Variants in E2F8 observed in about 807,000 individuals in gnomAD.
E2F8 encodes transcription factor E2F8.
E2F8 carries 35 observed loss-of-function variants against 80.8 expected under a neutral mutation model. The observed-to-expected ratio is 0.43, with a 90% CI of 0.33 to 0.57. E2F8 has a LOEUF of 0.57. E2F8 is among the 20% of genes least tolerant of loss of function. The probability of loss-of-function intolerance (pLI) is 0.04; values close to 1 mark genes in which losing one functional copy is unlikely to be tolerated. For missense variants in E2F8, 975 were observed against 1,056.2 expected, an observed-to-expected ratio of 0.92 and a Z score of 1.07; for synonymous variants, 386 against 395.0, an observed-to-expected ratio of 0.98 and a Z score of 0.27.
At chr11:19,234,287 G>A (rs1319419172) in intron 6 of E2F8, 73 bp downstream of exon 6, 16 of 1,524,016 alleles carry the variant, frequency 1.0e-5, no homozygotes, top group African/African-American at 1.4e-5. Context: ...TTCCTAATTT[G>A]GAAATGAGTT....
intron 4 of E2F8, among the ~76,000 whole-genome samples, chr11:19,235,665 A>G (rs1314908450): frequency 1.3e-5 from 1 of 76,282 alleles, no homozygotes; most frequent in African/African-American, 5.8e-5. Flanking sequence ...AAACAAACAA[A>G]CAAAAAAAAA....
At chr11:19,228,817 A>G (rs1291651938) in intron 10 of E2F8, among the ~76,000 whole-genome samples, 1 of 152,230 alleles carries the variant, frequency 6.6e-6, no homozygotes, top group South Asian at 2.1e-4. Flanking sequence ...TATGTCTGCT[A>G]TATGTGGGTA....
rs370458509 is a variant in E2F8 at position 19,234,734 on chromosome 11, C to T, written c.766+10G>A. ...CCATGCCGCCTGGAGTTTTCACTAC[C>T]ATCTCTCACCTGCCCGAAATTCCAC... On this transcript the variant is annotated intron_variant, in intron 5 of 12. Transcript: ENST00000250024. The T allele has an allele frequency of 1.3e-6, 2 of 1,599,534 alleles. No individual in the cohort carries two copies. Among genetic ancestry groups the T allele is most frequent in the South Asian group, 1.1e-5 (1 of 88,460 alleles).
chr11:19,237,860 A>T lies in E2F8; in HGVS notation c.288T>A (p.Cys96Ter), dbSNP rs1851562596. ...NRSGLPEAKD[C>*]IHEHLSGDEF... ...CAGTCCTCTGAAAACCTACGTGTAT[A>T]CAGTCTTTGGCCTCAGGTAATCCAC... The change falls in exon 3 of 13, where the codon TGT becomes TGA. Residue 96 changes from cysteine (C) to a stop codon, truncating the protein, a stop_gained. Transcript: ENST00000250024. LOFTEE classifies it high-confidence loss of function. The T allele has an allele frequency of 6.2e-7, 1 of 1,613,284 alleles. No homozygotes were observed. Among genetic ancestry groups the T allele is most frequent in the Non-Finnish European group, 8.5e-7 (1 of 1,179,562 alleles).
chr11:19,234,840 A>G lies in E2F8; in HGVS notation c.670T>C (p.Tyr224His). The G allele has an allele frequency of 6.2e-7, 1 of 1,614,202 alleles. No homozygotes were observed. Among genetic ancestry groups the G allele is most frequent in the Non-Finnish European group, 8.5e-7 (1 of 1,180,042 alleles). Residue 224 changes from tyrosine (Y) to histidine (H), a missense_variant, in exon 5 of 13, where the codon TAC (tyrosine) becomes CAC (histidine). By Grantham distance (83) the Tyr-to-His change is moderately conservative (BLOSUM62 2). Transcript: ENST00000250024. ...TTGATGATATGATCCTCTATACTGT[A>G]ACTCTTAATAAAGTCAAACTCTTGC... The part of the protein sequence containing the change: ...YEQEFDFIKS[Y>H]SIEDHIIKSN...
Position 19,229,443 on chromosome 11 carries a change from GCTGTACTTA to G in E2F8, c.1893+2_1893+10del, listed in dbSNP as rs1157782960. On this transcript the variant is annotated splice_donor_variant and splice_donor_5th_base_variant and intron_variant, in intron 10 of 12. Coordinates refer to ENST00000250024, the MANE Select transcript of E2F8 (RefSeq NM_024680.4). LOFTEE classifies it high-confidence loss of function. This position sits in a 1 kb window ranked among gnomAD's most constrained non-coding sequence, Gnocchi z 4.3. ...TTCCTAAAGCTTTGTGCAGTTCAAG[GCTGTACTTA>G]CTGCGGAGACATTTTCAAGTCCTTT... 6.2e-7 allele frequency: 1 copy of G among 1,606,884 alleles called. No homozygotes were observed. Among genetic ancestry groups the G allele is most frequent in the Non-Finnish European group, 8.5e-7 (1 of 1,176,656 alleles).
rs530805930 is a variant in E2F8, at chr11:19,230,012, G to A, written c.1359-24C>T. ...CACTGAAAGACAAGATTTAATACAC[G>A]ACATGATGGATATACATTTTTTCTG... is the stretch of plus-strand genomic sequence containing the variant. On this transcript the variant is annotated intron_variant, in intron 9 of 12. Coordinates refer to ENST00000250024, the MANE Select transcript of E2F8 (RefSeq NM_024680.4). The A allele has an allele frequency of 8.7e-6, 14 of 1,610,850 alleles. No individual in the cohort carries two copies. In the East Asian group the frequency reaches 1.6e-4, roughly 18 times the overall value.
At chr11:19,231,546 A>G (rs888435345) in intron 7 of E2F8, among the ~76,000 whole-genome samples, 2 of 152,200 alleles carry the variant, frequency 1.3e-5, no homozygotes, top group South Asian at 2.1e-4. Context: ...GTCATTTTCA[A>G]TGATTCTGGG....
In E2F8 at chr11:19,235,669, A is replaced by AC. The variant is rs199734618; in HGVS notation, c.452-612_452-611insG. On this transcript the variant is annotated intron_variant, in intron 4 of 12. Coordinates refer to ENST00000250024, the MANE Select transcript of E2F8 (RefSeq NM_024680.4). ...GTCTCAAAAACAAACAAACAAACAAAAAAAAAAAACGATGAGAAAACAGAG... is the reference window on the plus strand; with the variant it reads ...GTCTCAAAAACAAACAAACAAACAAACAAAAAAAAACGATGAGAAAACAGAG... 3.8e-4 allele frequency among the ~76,000 whole-genome samples: 44 copies of AC among 117,316 alleles called. No homozygotes were observed. The South Asian group carries it at 5.7e-3, about 15-fold the overall frequency. 77.0% of individuals were successfully genotyped at this position (117,316 alleles called of 152,430 possible). A position where few individuals can be genotyped will look rare whatever the true frequency, so the allele number is the denominator to read the frequency against.
intron 7 of E2F8, 42 bp downstream of exon 7, chr11:19,232,191 CA>C: frequency 6.2e-7 from 1 of 1,601,578 alleles, no homozygotes. Context: ...GAAAAACACA[CA>C]CACAAATAAT....
intron 5 of E2F8, 80 bp downstream of exon 5, chr11:19,234,664 A>G (rs1851465136): frequency 5.9e-6 from 9 of 1,534,968 alleles, no homozygotes. Flanking sequence ...GTAGCTTTAG[A>G]GCTGTGTTCT....
rs1202373921 is a variant in E2F8, at chr11:19,234,859, C to A, written c.651G>T (p.Glu217Asp). The change falls in exon 5 of 13, where the codon GAG (glutamate) becomes GAT (aspartate). Residue 217 changes from glutamate to aspartate, a missense_variant. Transcript: ENST00000250024. ...TACTGTAACTCTTAATAAAGTCAAA[C>A]TCTTGCTCATATTCTTTCTTTTTGA... ...MMIKKKEYEQEFDFIKSYSIE... is the reference protein window; with the variant it reads ...MMIKKKEYEQDFDFIKSYSIE... The A allele has an allele frequency of 6.2e-7, 1 of 1,614,226 alleles. No homozygotes were observed. The highest frequency in any genetic ancestry group is 1.1e-5 in the South Asian group (1 of 91,092).
chr11:19,238,269 A>G (rs1433121916), intron 2 of E2F8, 137 bp from the exon 3 acceptor site: 14 of 839,160 alleles, frequency 1.7e-5, no homozygotes, highest in Non-Finnish European at 2.5e-5. Context: ...TGAGGAAATT[A>G]ATAACTGTAT....
chr11:19,228,822 T>A (rs1210066961), intron 10 of E2F8, among the ~76,000 whole-genome samples: 2 of 152,192 alleles, frequency 1.3e-5, no homozygotes, highest in African/African-American at 2.4e-5. Context: ...CTGCTATATG[T>A]GGGTAGGCAT....
At chr11:19,237,236 G>A (rs1172272989) in intron 4 of E2F8, 78 bp downstream of exon 4, 11 of 1,364,328 alleles carry the variant, frequency 8.1e-6, no homozygotes, top group Non-Finnish European at 8.3e-6. Flanking sequence ...CTGGCTAGAT[G>A]AGCGGGGGTC....
At chr11:19,237,265 A>G in intron 4 of E2F8, 49 bp downstream of exon 4, 1 of 1,593,046 alleles carries the variant, frequency 6.3e-7, no homozygotes, top group South Asian at 1.1e-5. Flanking sequence ...TTAAGTCCAT[A>G]AAGCCACTTT....
In E2F8 at chr11:19,229,804, C is replaced by A; in HGVS notation, c.1543G>T (p.Ala515Ser). 1 of 1,613,790 alleles carries A rather than the reference C, an allele frequency of 6.2e-7. No homozygotes were observed. ...SSAVPLILPQ[A>S]PSGPSYAIYL... ...ATGGCATAGGATGGGCCTGAAGGGG[C>A]CTGAGGTAGGATCAGGGGCACTGCT... Residue 515 changes from alanine to serine, a missense_variant, in exon 10 of 13, where the codon GCC (alanine) becomes TCC (serine). By Grantham distance (99) the Ala-to-Ser change is moderately conservative. Coordinates refer to ENST00000250024, the MANE Select transcript of E2F8 (RefSeq NM_024680.4). The surrounding 1 kb of genome is among the most constrained non-coding windows in gnomAD (Gnocchi z 4.3).
Position 19,225,760 on chromosome 11 carries a change from G to A in E2F8, c.1998C>T (p.Asn666=), listed in dbSNP as rs1211792222. Residue 666 remains asparagine, a synonymous_variant, in exon 11 of 13, where the codon AAC becomes AAT. Transcript: ENST00000250024. ...GKENSSALSP[N]HRIYSSPIAG... is the part of the protein sequence containing the mutation. The stretch of plus-strand genomic sequence containing the variant: ...CAATTGGGGAGCTGTAAATCCTGTG[G>A]TTTGGGGAAAGAGCACTTGAGTTTT... The A allele has an allele frequency of 6.2e-7, 1 of 1,614,200 alleles. No homozygotes were observed. Among genetic ancestry groups the A allele is most frequent in the Non-Finnish European group, 8.5e-7 (1 of 1,180,034 alleles).
At chr11:19,232,053 C>G (rs551233529) in intron 7 of E2F8, among the ~76,000 whole-genome samples, 181 bp downstream of exon 7, 2 of 152,296 alleles carry the variant, frequency 1.3e-5, no homozygotes, top group East Asian at 3.9e-4. Context: ...TGGAAGCCAT[C>G]ATCCTCAGCA....
Sources: gnomAD v4.1 joint callset for allele counts (sites outside exome capture counted in the v4.1 genomes callset) on GRCh38, gnomAD v4.1.1 for gene constraint, Gnocchi (gnomAD v3.1) non-coding constraint, MANE v1.5 for transcripts, NCBI Gene and HGNC (gene_info 2026-07-23, HGNC 2026-07-21) for gene names.